The following NXPH1 variants were observed in gnomAD, a reference collection of about 807,000 sequenced individuals.
NXPH1 encodes the protein neurexophilin 1.
In NXPH1, 5 loss-of-function variants were observed where a neutral mutation model predicts 23.7. That is an observed-to-expected ratio of 0.21 (90% CI 0.11 to 0.44). The LOEUF is 0.44. Ranked by LOEUF, NXPH1 falls within the 20% of genes least tolerant of loss-of-function variation. The pLI, the probability that NXPH1 is intolerant of heterozygous loss-of-function variation, is 0.99. For synonymous variants in NXPH1, 144 were observed against 122.2 expected, an observed-to-expected ratio of 1.18 and a Z score of -1.18; for missense variants, 324 against 321.6, an observed-to-expected ratio of 1.01 and a Z score of -0.06.
chr7:8,686,024 T>C lies in NXPH1; in HGVS notation c.55-64984T>C, dbSNP rs141434163. The stretch of plus-strand genomic sequence containing the variant: ...TGCATGCGTGTATCAAAACATCTCA[T>C]GTATTTCACAAATATGTACAGCTAC... On this transcript the variant is annotated intron_variant, in intron 2 of 2. Transcript: ENST00000405863. 5.9e-5 allele frequency among the ~76,000 whole-genome samples: 9 copies of C among 152,268 alleles called. No individual in the cohort carries two copies. In the East Asian group the frequency reaches 1.7e-3, roughly 29 times the overall value.
intron 2 of NXPH1, among the ~76,000 whole-genome samples, chr7:8,702,003 T>C (rs1779631078): frequency 6.6e-6 from 1 of 151,710 alleles, no homozygotes; most frequent in African/African-American, 2.4e-5. Context: ...TGTTAACTAT[T>C]TGCTTCCCAA....
chr7:8,732,361 C>T (rs1780172780), intron 2 of NXPH1, among the ~76,000 whole-genome samples: 1 of 152,234 alleles, frequency 6.6e-6, no homozygotes, highest in Non-Finnish European at 1.5e-5. Flanking sequence ...CATCTTGGCT[C>T]CTTCGCCTTC....
intron 2 of NXPH1, among the ~76,000 whole-genome samples, chr7:8,748,319 G>C (rs756767296): frequency 6.6e-6 from 1 of 152,128 alleles, no homozygotes; most frequent in Non-Finnish European, 1.5e-5. Flanking sequence ...ACCAAAGCAA[G>C]GGTTGAGCAA....
chr7:8,544,948 A>T (rs1488640185), intron 2 of NXPH1, among the ~76,000 whole-genome samples: 5 of 151,674 alleles, frequency 3.3e-5, no homozygotes, highest in Admixed American at 1.3e-4. Context: ...CTATTTGACC[A>T]CTTAGTCTAG....
chr7:8,491,624 T>A (rs1333274666), intron 2 of NXPH1, among the ~76,000 whole-genome samples: 1 of 152,026 alleles, frequency 6.6e-6, no homozygotes, highest in Non-Finnish European at 1.5e-5. Context: ...ATTCATAATG[T>A]GGAAAGCTAG....
chr7:8,724,872 G>A (rs780188152), intron 2 of NXPH1, among the ~76,000 whole-genome samples: 2 of 152,166 alleles, frequency 1.3e-5, no homozygotes, highest in Non-Finnish European at 2.9e-5. Flanking sequence ...TTCAGTATGA[G>A]ATTTCACACA....
chr7:8,501,333 A>G (rs2128612543), intron 2 of NXPH1, among the ~76,000 whole-genome samples: 1 of 152,112 alleles, frequency 6.6e-6, no homozygotes, highest in Admixed American at 6.5e-5. Context: ...AGCTTTTAGG[A>G]GTTGTACCAT....
Position 8,610,216 on chromosome 7 carries a change from T to C in NXPH1, c.55-140792T>C, listed in dbSNP as rs183572418. ...AGTAAATATTTTCCTTTGAAATTTCTAAGAAAGGAGAGCCTTTCTGTGAAT... is the reference window on the plus strand; with the variant it reads ...AGTAAATATTTTCCTTTGAAATTTCCAAGAAAGGAGAGCCTTTCTGTGAAT... On this transcript the variant is annotated intron_variant, in intron 2 of 2. Coordinates refer to ENST00000405863, the MANE Select transcript of NXPH1 (RefSeq NM_152745.3). Among the ~76,000 whole-genome samples the C allele has an allele frequency of 2.6e-3, 398 of 152,256 alleles. 1 individual carries two copies. The highest frequency in any genetic ancestry group is 8.4e-3 in the African/African-American group (351 of 41,564).
intron 2 of NXPH1, among the ~76,000 whole-genome samples, chr7:8,663,045 G>A (rs965555428): frequency 6.6e-6 from 1 of 152,032 alleles, no homozygotes; most frequent in African/African-American, 2.4e-5. Context: ...ATATTTTGGC[G>A]TGTTGGGAGA....
intron 2 of NXPH1, among the ~76,000 whole-genome samples, chr7:8,713,264 C>G (rs1779824443): frequency 6.6e-6 from 1 of 152,146 alleles, no homozygotes; most frequent in African/African-American, 2.4e-5. Context: ...ATCAGTTGCA[C>G]TTTCAACTCC....
chr7:8,522,268 A>G (rs1411218372), intron 2 of NXPH1, among the ~76,000 whole-genome samples: 1 of 152,190 alleles, frequency 6.6e-6, no homozygotes, highest in African/African-American at 2.4e-5. Flanking sequence ...GCATGAGTCT[A>G]GCTCTATCCC....
intron 2 of NXPH1, among the ~76,000 whole-genome samples, chr7:8,614,537 A>G (rs1819693870): frequency 6.6e-6 from 1 of 151,982 alleles, no homozygotes; most frequent in South Asian, 2.1e-4. Context: ...AAATAGACAT[A>G]CATGTGCACA....
chr7:8,602,519 C>T (rs1185296857), intron 2 of NXPH1, among the ~76,000 whole-genome samples: 1 of 152,184 alleles, frequency 6.6e-6, no homozygotes. Flanking sequence ...CTGGCTAAGG[C>T]TGTTCAAATC....
At chr7:8,641,608 T>C (rs1820314257) in intron 2 of NXPH1, among the ~76,000 whole-genome samples, 3 of 152,164 alleles carry the variant, frequency 2.0e-5, no homozygotes, top group Admixed American at 2.0e-4. Context: ...CTTTGTTGGT[T>C]TCCTTTTTCT....
chr7:8,634,188 G>A (rs1410234903), intron 2 of NXPH1, among the ~76,000 whole-genome samples: 2 of 152,020 alleles, frequency 1.3e-5, no homozygotes, highest in African/African-American at 2.4e-5. Flanking sequence ...GGAGAGACCC[G>A]GTGGTACGTA....
intron 2 of NXPH1, among the ~76,000 whole-genome samples, chr7:8,594,443 CAG>C (rs1208922462): frequency 6.6e-6 from 1 of 152,004 alleles, no homozygotes; most frequent in Admixed American, 6.6e-5. Flanking sequence ...AGTCTGGAAA[CAG>C]AGAAAGCATA....
chr7:8,677,639 G>T (rs1211771764), intron 2 of NXPH1, among the ~76,000 whole-genome samples: 1 of 151,836 alleles, frequency 6.6e-6, no homozygotes, highest in African/African-American at 2.4e-5. Flanking sequence ...ACTGTGAAAT[G>T]AAAAAAGAAA....
intron 2 of NXPH1, among the ~76,000 whole-genome samples, chr7:8,555,014 T>C (rs1818334313): frequency 6.6e-6 from 1 of 151,644 alleles, no homozygotes; most frequent in Non-Finnish European, 1.5e-5. Flanking sequence ...CAGAGCTTGA[T>C]AGTAGGGAAG....
chr7:8,435,648 A>G lies in NXPH1; in HGVS notation c.-66A>G, dbSNP rs1584152743. The G allele has an allele frequency of 7.0e-7, 1 of 1,429,402 alleles. No individual in the cohort carries two copies. Among genetic ancestry groups the G allele is most frequent in the Admixed American group, 1.7e-5 (1 of 59,750 alleles). The allele number at this position is 1,429,402 out of a possible 1,614,324, so 88.5% of individuals were successfully genotyped here. On this transcript the variant is annotated 5_prime_UTR_variant, in exon 2 of 3. Transcript: ENST00000405863. The surrounding 1 kb of genome is among the most constrained non-coding windows in gnomAD (Gnocchi z 5.9). The stretch of plus-strand genomic sequence containing the variant: ...GCTCTGTAAAGTGGATGTCAGGTGG[A>G]TCTATGTTTCTGAAGGAACAAAGAC...
Sources: gnomAD v4.1 joint callset for allele counts (sites outside exome capture counted in the v4.1 genomes callset) on GRCh38, gnomAD v4.1.1 for gene constraint, Gnocchi (gnomAD v3.1) non-coding constraint, MANE v1.5 for transcripts, NCBI Gene and HGNC (gene_info 2026-07-23, HGNC 2026-07-21) for gene names.